The following ATP11B variants were observed in gnomAD, a reference collection of about 807,000 sequenced individuals.
ATP11B encodes phospholipid-transporting ATPase IF.
ATP11B carries 81 observed loss-of-function variants against 157.8 expected under a neutral mutation model. That is an observed-to-expected ratio of 0.51 (90% CI 0.43 to 0.62). The LOEUF (loss-of-function observed/expected upper bound fraction) is 0.62, where lower values mean the gene tolerates loss of function less well. Ranked by LOEUF, ATP11B falls within the 20% of genes least tolerant of loss-of-function variation. ATP11B has a pLI of 0.00. For synonymous variants in ATP11B, 451 were observed against 469.4 expected (o/e 0.96, Z 0.51); for missense variants, 1,165 against 1,402.2 (o/e 0.83, Z 2.70).
At chr3:182,887,845 A>C (rs1298702632) in intron 24 of ATP11B, 132 bp downstream of exon 24, 15 of 953,818 alleles carry the variant, frequency 1.6e-5, no homozygotes, top group Non-Finnish European at 1.8e-5. Flanking sequence ...ACAGTTGTTG[A>C]ATATCAGAGA....
At chr3:182,881,263 G>C (rs986674945) in intron 21 of ATP11B, among the ~76,000 whole-genome samples, 1 of 152,064 alleles carries the variant, frequency 6.6e-6, no homozygotes, top group Non-Finnish European at 1.5e-5. Context: ...GTGAAACCCC[G>C]TCTCTACTAA....
rs183654170 is a variant in ATP11B, at chr3:182,813,605, A to G, written c.28-6655A>G. The stretch of plus-strand genomic sequence containing the variant: ...ACACCAGAATAAAAAGTTTCCTGCT[A>G]GCCCCTCTTATACTAGTAATGGTAT... On this transcript the variant is annotated intron_variant, in intron 1 of 29. Transcript: ENST00000323116. Among the ~76,000 whole-genome samples, 129 of 152,346 alleles carry G rather than the reference A, an allele frequency of 8.5e-4. 1 individual carries two copies. The highest frequency in any genetic ancestry group is 3.0e-3 in the African/African-American group (123 of 41,582).
intron 29 of ATP11B, chr3:182,915,404 T>C (rs1410506071): frequency 6.1e-6 from 6 of 985,286 alleles, no homozygotes; most frequent in Non-Finnish European, 7.2e-6. Flanking sequence ...ATTTACATAA[T>C]TGTATTATAA....
chr3:182,823,447 G>A (rs1466809704), intron 2 of ATP11B, among the ~76,000 whole-genome samples: 1 of 152,020 alleles, frequency 6.6e-6, no homozygotes, highest in Admixed American at 6.5e-5. Context: ...TTATTTCTGA[G>A]GGCTCTGTTC....
chr3:182,889,512 A>G lies in ATP11B; in HGVS notation c.2946A>G (p.Leu982=), dbSNP rs553007208. Residue 982 remains leucine, a synonymous_variant, in exon 25 of 30, where the codon CTA becomes CTG. Transcript: ENST00000323116. ...TTTTCTTTTTTGGATCCTATTTACT[A>G]ATAGGGAAAGATACATCTCTGCTTG... is the stretch of plus-strand genomic sequence containing the variant. ...AFIFFFGSYL[L]IGKDTSLLGN... is the part of the protein sequence containing the mutation. 12 of 1,569,742 alleles carry G rather than the reference A, an allele frequency of 7.6e-6. No individual in the cohort carries two copies. Among genetic ancestry groups the G allele is most frequent in the Non-Finnish European group, 1.0e-5 (12 of 1,165,560 alleles).
At chr3:182,911,488 G>C (rs750930736) in intron 28 of ATP11B, among the ~76,000 whole-genome samples, 7 of 152,050 alleles carry the variant, frequency 4.6e-5, no homozygotes, top group Non-Finnish European at 8.8e-5. Flanking sequence ...CCCAGATTAA[G>C]TGGGTGACCT....
intron 22 of ATP11B, among the ~76,000 whole-genome samples, chr3:182,885,582 T>C (rs541865452): frequency 1.3e-5 from 2 of 152,296 alleles, no homozygotes; most frequent in African/African-American, 2.4e-5. Flanking sequence ...TATTGTGTGT[T>C]TTAAACATTT....
chr3:182,796,496 A>G (rs1156450189), intron 1 of ATP11B, among the ~76,000 whole-genome samples: 1 of 152,218 alleles, frequency 6.6e-6, no homozygotes, highest in Admixed American at 6.5e-5. Context: ...ATTTGAATTC[A>G]TGTGTCTATT....
In ATP11B at chr3:182,873,948, A is replaced by G; in HGVS notation, c.2185A>G (p.Ile729Val). ...SCGHFHRTMN[I>V]LELINQKSDS... ...TGGCCATTTTCATAGAACCATGAAC[A>G]TCCTTGAACTTATAAACCAGAAATC... Residue 729 changes from isoleucine (I) to valine (V), a missense_variant, in exon 19 of 30, where the codon ATC becomes GTC. This residue lies in a region of ATP11B where 737 missense variants were observed against 930.5 expected (regional missense o/e 0.79). Transcript: ENST00000323116. The G allele has an allele frequency of 5.0e-6, 8 of 1,614,120 alleles. No homozygotes were observed. Among genetic ancestry groups the G allele is most frequent in the Non-Finnish European group, 6.8e-6 (8 of 1,179,998 alleles).
At chr3:182,889,123 A>G (rs768631698) in intron 24 of ATP11B, among the ~76,000 whole-genome samples, 8 of 152,176 alleles carry the variant, frequency 5.3e-5, no homozygotes, top group Non-Finnish European at 7.3e-5. Context: ...GGCCTCCCAA[A>G]GTGCTGGGAT....
At chr3:182,802,906 G>A (rs1041235503) in intron 1 of ATP11B, among the ~76,000 whole-genome samples, 3 of 152,082 alleles carry the variant, frequency 2.0e-5, no homozygotes, top group Admixed American at 2.0e-4. Context: ...GTCATTTTCT[G>A]TAAGTGAATT....
chr3:182,874,118 T>C lies in ATP11B; in HGVS notation c.2252+103T>C, dbSNP rs1721862368. 3 of 966,754 alleles carry C rather than the reference T, an allele frequency of 3.1e-6. No homozygotes were observed. The Admixed American group carries it at 8.7e-5, about 28-fold the overall frequency. The allele number at this position is 966,754 out of a possible 1,614,324, so 59.9% of individuals were successfully genotyped here. ...CTGTCACTGCCTGTTTTTTACAGCC[T>C]ATCAGCTAAAAGTAGTTTTTACATT... On this transcript the variant is annotated intron_variant, in intron 19 of 29. Transcript: ENST00000323116.
At chr3:182,889,852 T>C (rs943154204) in intron 25 of ATP11B, among the ~76,000 whole-genome samples, 10 of 152,228 alleles carry the variant, frequency 6.6e-5, no homozygotes, top group African/African-American at 2.2e-4. Context: ...GTTTTATTGA[T>C]AGCTGCCATT....
In ATP11B at chr3:182,887,635, C is replaced by G; in HGVS notation, c.2765C>G (p.Ser922Cys). ...YLTLYNICFT[S>C]LPILIYSLLE... Reference sequence around the variant, plus strand: ...ACTTTATACAATATTTGTTTTACTTCCCTACCTATTCTGATATATAGTCTT... The same window carrying G: ...ACTTTATACAATATTTGTTTTACTTGCCTACCTATTCTGATATATAGTCTT... The change falls in exon 24 of 30, where the codon TCC becomes TGC. Residue 922 changes from serine (S) to cysteine (C), a missense_variant. Around this residue, in one of 4 missense-constraint regions of ATP11B, gnomAD observed 737 missense variants for 930.5 expected, o/e 0.79. Transcript: ENST00000323116. 1 of 1,612,476 alleles carries G rather than the reference C, an allele frequency of 6.2e-7. No individual in the cohort carries two copies. The highest frequency in any genetic ancestry group is 1.3e-5 in the African/African-American group (1 of 74,976).
chr3:182,910,826 G>A (rs1459097151), intron 28 of ATP11B, among the ~76,000 whole-genome samples: 1 of 152,174 alleles, frequency 6.6e-6, no homozygotes. Flanking sequence ...CCAAGTAAAT[G>A]TGGTGAAGGA....
chr3:182,871,869 G>A (rs1271371660), intron 17 of ATP11B, among the ~76,000 whole-genome samples: 1 of 151,548 alleles, frequency 6.6e-6, no homozygotes, highest in African/African-American at 2.4e-5. Flanking sequence ...AGGCTGGAGT[G>A]CAGTGATGCT....
intron 19 of ATP11B, among the ~76,000 whole-genome samples, chr3:182,874,613 A>G (rs1383491824): frequency 6.6e-6 from 1 of 152,220 alleles, no homozygotes; most frequent in African/African-American, 2.4e-5. Flanking sequence ...GTTTGAAAAG[A>G]CATTTTCAAA....
At chr3:182,855,316 T>G (rs546403894) in intron 10 of ATP11B, among the ~76,000 whole-genome samples, 2 of 152,260 alleles carry the variant, frequency 1.3e-5, no homozygotes, top group South Asian at 4.1e-4. Context: ...GTAATCTTTT[T>G]CAACAAATGG....
intron 4 of ATP11B, chr3:182,833,966 C>T (rs563625306): frequency 2.0e-5 from 3 of 152,296 alleles, no homozygotes; most frequent in Non-Finnish European, 2.9e-5. Flanking sequence ...CCAGAAGATG[C>T]TTTGTTGTAA....
Sources: allele counts gnomAD v4.1 joint callset (sites outside exome capture counted in the v4.1 genomes callset), GRCh38; gene constraint gnomAD v4.1.1; regional missense constraint gnomAD v4.1.1; transcripts MANE v1.5; gene names NCBI Gene and HGNC (gene_info 2026-07-23, HGNC 2026-07-21).